GTF2H1: variants seen among roughly 807,000 people sequenced by gnomAD.
GTF2H1 encodes BTF2 p62.
GTF2H1 carries 16 observed loss-of-function variants against 71.2 expected under a neutral mutation model. The ratio of observed to expected loss-of-function variants is 0.22; its 90% CI spans 0.15 to 0.34. GTF2H1 has a LOEUF of 0.34. GTF2H1 is among the 10% of genes least tolerant of loss of function. GTF2H1 has a pLI of 1.00. For missense variants in GTF2H1, 498 were observed against 648.2 expected (o/e 0.77, Z 2.52); for synonymous variants, 215 against 219.0 (o/e 0.98, Z 0.16).
At chr11:18,337,679 GTTATTA>G (rs4150585) in intron 3 of GTF2H1, among the ~76,000 whole-genome samples, 242 of 151,974 alleles carry the variant, frequency 1.6e-3, no homozygotes, top group Non-Finnish European at 2.9e-3. Context: ...ATTACAAATA[GTTATTA>G]TTATAAGATT....
In GTF2H1 at chr11:18,338,228, C is replaced by A; in HGVS notation, c.467C>A (p.Ser156Tyr). Reference sequence around the variant, plus strand: ...AATGTGAATGCAACAGATAGTTCTTCCACATCCAATCATAAGCAGGATGTT... The same window carrying A: ...AATGTGAATGCAACAGATAGTTCTTACACATCCAATCATAAGCAGGATGTT... ...RLNVNATDSS[S>Y]TSNHKQDVGI... is the part of the protein sequence containing the mutation. The change falls in exon 4 of 15, where the codon TCC becomes TAC. Residue 156 changes from serine to tyrosine, a missense_variant. Physicochemically the swap from Ser to Tyr is moderately radical, Grantham distance 144 (BLOSUM62 -2). Coordinates refer to ENST00000265963, the MANE Select transcript of GTF2H1 (RefSeq NM_005316.4). The A allele has an allele frequency of 6.2e-7, 1 of 1,609,766 alleles. No individual in the cohort carries two copies. Among genetic ancestry groups the A allele is most frequent in the African/African-American group, 1.3e-5 (1 of 74,972 alleles).
chr11:18,354,780 T>C (rs1050002869), intron 11 of GTF2H1, among the ~76,000 whole-genome samples: 2 of 152,112 alleles, frequency 1.3e-5, no homozygotes, highest in Non-Finnish European at 2.9e-5. Context: ...TTAAACACTG[T>C]TGCTATCTTT....
intron 4 of GTF2H1, among the ~76,000 whole-genome samples, 177 bp downstream of exon 4, chr11:18,338,451 TTTG>T (rs869081844): frequency 6.6e-6 from 1 of 152,146 alleles, no homozygotes; most frequent in South Asian, 2.1e-4. Context: ...TGTTTGTTTG[TTTG>T]TTTTTAAAAG....
At chr11:18,339,429 T>A in intron 4 of GTF2H1, 135 bp from the exon 5 acceptor site, 1 of 568,322 alleles carries the variant, frequency 1.8e-6, no homozygotes, top group Non-Finnish European at 3.1e-6. Flanking sequence ...GTGCAAAAAG[T>A]GAAGGTGAGG....
chr11:18,352,311 T>C lies in GTF2H1; in HGVS notation c.1143-18T>C. On this transcript the variant is annotated intron_variant, in intron 10 of 14. Coordinates refer to ENST00000265963, the MANE Select transcript of GTF2H1 (RefSeq NM_005316.4). ...TTTACTGTGTGTGATTAGTAATTTC[T>C]TCTGTGCTAACCTGCAGGTATTATC... 1 of 1,079,926 alleles carries C rather than the reference T, an allele frequency of 9.3e-7. No individual in the cohort carries two copies. The highest frequency in any genetic ancestry group is 1.4e-6 in the Non-Finnish European group (1 of 701,154). 66.9% of individuals were successfully genotyped at this position (1,079,926 alleles called of 1,614,324 possible). A position where few individuals can be genotyped will look rare whatever the true frequency, so the allele number is the denominator to read the frequency against.
intron 7 of GTF2H1, among the ~76,000 whole-genome samples, chr11:18,344,368 G>A (rs999616815): frequency 1.3e-5 from 2 of 151,782 alleles, no homozygotes; most frequent in East Asian, 1.9e-4. Context: ...GCCTGTGATC[G>A]AGCACTTTGG....
intron 1 of GTF2H1, among the ~76,000 whole-genome samples, chr11:18,329,345 C>T (rs1262017086): frequency 6.6e-6 from 1 of 152,130 alleles, no homozygotes; most frequent in East Asian, 1.9e-4. Context: ...TTCAAATCTG[C>T]TCTTCCTTCT....
intron 14 of GTF2H1, among the ~76,000 whole-genome samples, chr11:18,364,458 G>A (rs981655795): frequency 2.0e-5 from 3 of 152,154 alleles, no homozygotes; most frequent in Non-Finnish European, 4.4e-5. Context: ...GTATGCACAT[G>A]TAGTCCCAGC....
chr11:18,349,979 T>G (rs1277835669), intron 9 of GTF2H1, among the ~76,000 whole-genome samples: 2 of 152,220 alleles, frequency 1.3e-5, no homozygotes, highest in African/African-American at 2.4e-5. Flanking sequence ...TGAAAAACAA[T>G]GTATGGGTAC....
intron 12 of GTF2H1, 120 bp downstream of exon 12, chr11:18,358,162 A>G (rs1431507519): frequency 7.2e-6 from 5 of 691,646 alleles, no homozygotes; most frequent in African/African-American, 5.4e-5. Context: ...TCTATTTTGT[A>G]GATTTGTTTT....
intron 9 of GTF2H1, among the ~76,000 whole-genome samples, chr11:18,350,181 T>C (rs1365686663): frequency 6.6e-6 from 1 of 152,178 alleles, no homozygotes; most frequent in Non-Finnish European, 1.5e-5. Context: ...ATTCTCTCAC[T>C]TGTAGAATGA....
chr11:18,348,490 G>A (rs1369007315), intron 9 of GTF2H1: 1 of 153,444 alleles, frequency 6.5e-6, no homozygotes, highest in African/African-American at 2.4e-5. Flanking sequence ...AGAGCAGTCA[G>A]GCAATGTGTA....
chr11:18,365,687 C>T (rs755654224), intron 14 of GTF2H1, 96 bp from the exon 15 acceptor site: 7 of 796,442 alleles, frequency 8.8e-6, no homozygotes, highest in East Asian at 4.9e-5. Flanking sequence ...AGAGGAGCTC[C>T]GAAACTACAC....
At chr11:18,328,991 A>G (rs1864834733) in intron 1 of GTF2H1, among the ~76,000 whole-genome samples, 1 of 152,248 alleles carries the variant, frequency 6.6e-6, no homozygotes, top group Non-Finnish European at 1.5e-5. Context: ...TTTATTAAGA[A>G]TTGTGATCCT....
At chr11:18,342,322 C>T (rs1422893278) in intron 7 of GTF2H1, among the ~76,000 whole-genome samples, 4 of 125,598 alleles carry the variant, frequency 3.2e-5, no homozygotes, top group Admixed American at 1.1e-4. Context: ...AGTGCAGTGG[C>T]GCAATCTTGG....
intron 1 of GTF2H1, among the ~76,000 whole-genome samples, chr11:18,329,487 C>G (rs1456476450): frequency 6.6e-6 from 1 of 152,200 alleles, no homozygotes. Flanking sequence ...AGTGGTCCTC[C>G]TTGTCCCTTC....
intron 1 of GTF2H1, among the ~76,000 whole-genome samples, chr11:18,326,396 C>T (rs1019125764): frequency 6.6e-6 from 1 of 152,046 alleles, no homozygotes; most frequent in African/African-American, 2.4e-5. Context: ...GTGGTGCGTG[C>T]CTGTAATCCC....
intron 7 of GTF2H1, 86 bp downstream of exon 7, chr11:18,341,693 T>C (rs1865160677): frequency 1.3e-6 from 1 of 788,212 alleles, no homozygotes; most frequent in Non-Finnish European, 2.1e-6. Context: ...CCTATTCCAC[T>C]TGTGAGAATG....
chr11:18,365,055 G>A (rs1317437434), intron 14 of GTF2H1, among the ~76,000 whole-genome samples: 5 of 139,362 alleles, frequency 3.6e-5, no homozygotes, highest in Non-Finnish European at 7.5e-5. Flanking sequence ...CATAGCAAGA[G>A]TCCATCTCCA....
Sources: allele counts gnomAD v4.1 joint callset (sites outside exome capture counted in the v4.1 genomes callset), GRCh38; gene constraint gnomAD v4.1.1; transcripts MANE v1.5; gene names NCBI Gene and HGNC (gene_info 2026-07-23, HGNC 2026-07-21).